The following KLHL14 variants were observed in gnomAD, a reference collection of about 807,000 sequenced individuals.
The protein encoded by KLHL14 is kelch-like protein 14.
A neutral mutation model predicts 64.3 loss-of-function variants in KLHL14; 22 were observed. The ratio of observed to expected loss-of-function variants is 0.34; its 90% CI spans 0.24 to 0.49. The LOEUF (loss-of-function observed/expected upper bound fraction) is 0.49, where lower values mean the gene tolerates loss of function less well. KLHL14 is among the 20% of genes least tolerant of loss of function. KLHL14 has a pLI of 0.99. For missense variants in KLHL14, 661 were observed against 789.0 expected (o/e 0.84, Z 1.94); for synonymous variants, 322 against 333.4 (o/e 0.97, Z 0.37).
At chr18:32,695,832 G>A (rs531902043) in intron 3 of KLHL14, among the ~76,000 whole-genome samples, 5 of 152,222 alleles carry the variant, frequency 3.3e-5, no homozygotes, top group South Asian at 2.1e-4. Flanking sequence ...TGCTGCTTTC[G>A]ATTCCTAGGT....
At position 32,672,966 on chromosome 18, in the gene KLHL14, C is replaced by T. The variant is rs960922196; in HGVS notation, c.*1691G>A. On this transcript the variant is annotated 3_prime_UTR_variant, in exon 9 of 9. Coordinates refer to ENST00000359358, the MANE Select transcript of KLHL14 (RefSeq NM_020805.3). The stretch of plus-strand genomic sequence containing the variant: ...CAGTTGACAACAAAAGGTTCTGAAG[C>T]AGACCTCATTCTATTCATGATGTCA... The T allele has an allele frequency of 2.6e-5, 4 of 152,574 alleles. No homozygotes were observed. The highest frequency in any genetic ancestry group is 9.7e-5 in the African/African-American group (4 of 41,440). 9.5% of individuals were successfully genotyped at this position (152,574 alleles called of 1,614,324 possible). A position where few individuals can be genotyped will look rare whatever the true frequency, so the allele number is the denominator to read the frequency against.
At chr18:32,734,112 C>T in intron 3 of KLHL14, 2 of 702,034 alleles carry the variant, frequency 2.8e-6, no homozygotes, top group Non-Finnish European at 5.2e-6. Context: ...GAAGAATACA[C>T]TGAATATTTG....
At chr18:32,741,898 A>G in intron 3 of KLHL14, 30 bp downstream of exon 3, 1 of 1,532,970 alleles carries the variant, frequency 6.5e-7, no homozygotes, top group Non-Finnish European at 8.7e-7. Context: ...TAAATAGGTG[A>G]GTGAATAAAT....
At chr18:32,682,517 T>G (rs2049845792) in intron 5 of KLHL14, among the ~76,000 whole-genome samples, 1 of 152,216 alleles carries the variant, frequency 6.6e-6, no homozygotes, top group South Asian at 2.1e-4. Context: ...TTTTTGCACA[T>G]GTGCATTTTT....
At position 32,687,116 on chromosome 18, in the gene KLHL14, C is replaced by A. The variant is rs765436228; in HGVS notation, c.1238+39G>T. 3.3e-6 allele frequency: 5 copies of A among 1,530,648 alleles called. No individual in the cohort carries two copies. The South Asian group carries it at 5.6e-5, about 17-fold the overall frequency. 94.8% of individuals were successfully genotyped at this position (1,530,648 alleles called of 1,614,324 possible). On this transcript the variant is annotated intron_variant, in intron 5 of 8. Transcript: ENST00000359358. Reference sequence around the variant, plus strand: ...CCTAGCACCCATGCCTCCTGTAAAGCCGTCACAAACGTTTCAGGTGCAAGA... The same window carrying A: ...CCTAGCACCCATGCCTCCTGTAAAGACGTCACAAACGTTTCAGGTGCAAGA...
Position 32,699,560 on chromosome 18 carries a change from C to T in KLHL14, c.1070-4008G>A, listed in dbSNP as rs769959330. Among the ~76,000 whole-genome samples the T allele has an allele frequency of 1.2e-3, 176 of 151,988 alleles. 2 individuals are homozygous for T. The highest frequency in any genetic ancestry group is 1.5e-3 in the Non-Finnish European group (101 of 67,990). On this transcript the variant is annotated intron_variant, in intron 3 of 8. Transcript: ENST00000359358. ...TTGAAGGTCAGACTCAGGTACCGAA[C>T]GGCAGAGATAGAATCCAAACATGGG...
In KLHL14 at chr18:32,770,054, G is replaced by T; in HGVS notation, c.538C>A (p.Gln180Lys). Residue 180 changes from glutamine (Q) to lysine (K), a missense_variant, in exon 2 of 9, where the codon CAG becomes AAG. By Grantham distance (53) the Gln-to-Lys change is moderately conservative. Coordinates refer to ENST00000359358, the MANE Select transcript of KLHL14 (RefSeq NM_020805.3). The surrounding 1 kb of genome is among the most constrained non-coding windows in gnomAD (Gnocchi z 6.7). Reference protein sequence around the residue: ...TKLCVQFLNDQISVQNYKQVC... With the variant: ...TKLCVQFLNDKISVQNYKQVC... ...TGCTTGTAGTTCTGCACCGAGATCT[G>T]GTCGTTGAGGAACTGCACGCAGAGC... 1 of 1,614,148 alleles carries T rather than the reference G, an allele frequency of 6.2e-7. No homozygotes were observed.
intron 3 of KLHL14, among the ~76,000 whole-genome samples, chr18:32,722,517 C>T (rs745840740): frequency 1.2e-4 from 18 of 152,158 alleles, no homozygotes; most frequent in Admixed American, 3.3e-4. Context: ...GTTCTCACCA[C>T]GAATGCCACT....
chr18:32,690,214 G>T (rs1294002920), intron 4 of KLHL14, among the ~76,000 whole-genome samples: 1 of 152,102 alleles, frequency 6.6e-6, no homozygotes, highest in Non-Finnish European at 1.5e-5. Flanking sequence ...TGAAAAGGTG[G>T]CATTACCGGC....
At position 32,677,341 on chromosome 18, in the gene KLHL14, G is replaced by A; in HGVS notation, c.1589-11C>T. 2 of 1,597,736 alleles carry A rather than the reference G, an allele frequency of 1.3e-6. No individual in the cohort carries two copies. The highest frequency in any genetic ancestry group is 1.7e-5 in the Admixed American group (1 of 57,920). On this transcript the variant is annotated splice_polypyrimidine_tract_variant and intron_variant, in intron 7 of 8. Transcript: ENST00000359358. ...CAAGGTGGGAGAAACCTAAGTGACAGAACAAAGTGGAACAACAAAATGATA... is the reference window on the plus strand; with the variant it reads ...CAAGGTGGGAGAAACCTAAGTGACAAAACAAAGTGGAACAACAAAATGATA...
intron 2 of KLHL14, among the ~76,000 whole-genome samples, chr18:32,768,140 A>G (rs2050356356): frequency 6.6e-6 from 1 of 152,164 alleles, no homozygotes. Context: ...TCTTGTGCTC[A>G]CTGTTAAAAG....
chr18:32,704,789 C>G (rs746485946), intron 3 of KLHL14, among the ~76,000 whole-genome samples: 20 of 152,088 alleles, frequency 1.3e-4, no homozygotes, highest in Non-Finnish European at 2.9e-4. Flanking sequence ...TACTGTGTAC[C>G]TATTGGTTAT....
Position 32,692,426 on chromosome 18 carries a change from T to C in KLHL14, c.1159+3037A>G, listed in dbSNP as rs181172624. Reference sequence around the variant, plus strand: ...CCCACGGATTTAAAAGCTTTCTCCCTGCCAGCAATGATATTAAAGCATGTT... The same window carrying C: ...CCCACGGATTTAAAAGCTTTCTCCCCGCCAGCAATGATATTAAAGCATGTT... On this transcript the variant is annotated intron_variant, in intron 4 of 8. Transcript: ENST00000359358. Among the ~76,000 whole-genome samples, 46 of 152,322 alleles carry C rather than the reference T, an allele frequency of 3.0e-4. 1 individual carries two copies. The highest frequency in any genetic ancestry group is 2.9e-3 in the Admixed American group (44 of 15,300).
intron 5 of KLHL14, among the ~76,000 whole-genome samples, chr18:32,686,143 C>T (rs1234865648): frequency 3.4e-5 from 5 of 148,518 alleles, no homozygotes; most frequent in Non-Finnish European, 7.4e-5. Flanking sequence ...TCCCAGGTAG[C>T]TGGGATTACA....
At chr18:32,740,770 C>T (rs1163447805) in intron 3 of KLHL14, 1 of 152,152 alleles carries the variant, frequency 6.6e-6, no homozygotes. Context: ...TATTCTACTA[C>T]TTCTTTACTA....
At chr18:32,748,421 G>C (rs1055797767) in intron 2 of KLHL14, among the ~76,000 whole-genome samples, 2 of 151,602 alleles carry the variant, frequency 1.3e-5, no homozygotes, top group Non-Finnish European at 2.9e-5. Context: ...CGAGGCTGGA[G>C]CGCAGTGGCG....
At chr18:32,765,743 T>G (rs1022414634) in intron 2 of KLHL14, among the ~76,000 whole-genome samples, 8 of 152,108 alleles carry the variant, frequency 5.3e-5, no homozygotes, top group Admixed American at 2.6e-4. Flanking sequence ...ATCAAAACTG[T>G]ATATTAGGAA....
At position 32,680,740 on chromosome 18, in the gene KLHL14, C is replaced by T. The variant is rs531659417; in HGVS notation, c.1239-141G>A. On this transcript the variant is annotated intron_variant, in intron 5 of 8. Transcript: ENST00000359358. This position sits in a 1 kb window ranked among gnomAD's most constrained non-coding sequence, Gnocchi z 4.8. ...GGGTTGCAAATCTTTAAAAATTACA[C>T]GTATACCTTATAATTCTGAGACCTT... The T allele has an allele frequency of 9.8e-6, 7 of 713,234 alleles. No individual in the cohort carries two copies. In the East Asian group the frequency reaches 1.1e-4, roughly 11 times the overall value. 44.2% of individuals were successfully genotyped at this position (713,234 alleles called of 1,614,324 possible).
chr18:32,720,206 A>T (rs7228647), intron 3 of KLHL14, among the ~76,000 whole-genome samples: 1 of 151,990 alleles, frequency 6.6e-6, no homozygotes, highest in African/African-American at 2.4e-5. Context: ...GGCAGGTTTT[A>T]GGAGCCCTGC....
Sources: allele counts gnomAD v4.1 joint callset (sites outside exome capture counted in the v4.1 genomes callset), GRCh38; gene constraint gnomAD v4.1.1; non-coding constraint Gnocchi (gnomAD v3.1); transcripts MANE v1.5; gene names NCBI Gene and HGNC (gene_info 2026-07-23, HGNC 2026-07-21).